The following WASF1 variants were observed in gnomAD, a reference collection of about 807,000 sequenced individuals.
WASF1 encodes the protein WASP family member 1.
WASF1 carries 7 observed loss-of-function variants against 50.5 expected under a neutral mutation model. The ratio of observed to expected loss-of-function variants is 0.14; its 90% CI spans 0.08 to 0.26. WASF1 has a LOEUF of 0.26. WASF1 is among the 10% of genes least tolerant of loss of function. The pLI is 1.00. For missense variants in WASF1, 470 were observed against 694.7 expected (o/e 0.68, Z 3.64); for synonymous variants, 205 against 244.0 (o/e 0.84, Z 1.49).
At chr6:110,136,987 T>A (rs191294015) in intron 3 of WASF1, among the ~76,000 whole-genome samples, 1 of 152,218 alleles carries the variant, frequency 6.6e-6, no homozygotes, top group Non-Finnish European at 1.5e-5. Flanking sequence ...TAATTATGTA[T>A]CTTCATGATT....
chr6:110,121,793 A>C (rs1774142266), intron 4 of WASF1, among the ~76,000 whole-genome samples: 1 of 152,282 alleles, frequency 6.6e-6, no homozygotes, highest in Non-Finnish European at 1.5e-5. Flanking sequence ...CCAAATGTCC[A>C]TCAATGATAG....
At chr6:110,158,910 C>T (rs1183711630) in intron 3 of WASF1, among the ~76,000 whole-genome samples, 1 of 151,860 alleles carries the variant, frequency 6.6e-6, no homozygotes, top group Non-Finnish European at 1.5e-5. Flanking sequence ...TGAGTTAGTC[C>T]TTCCTCTGAA....
chr6:110,102,696 TC>T (rs1422781711), intron 9 of WASF1, among the ~76,000 whole-genome samples: 9 of 150,058 alleles, frequency 6.0e-5, no homozygotes, highest in African/African-American at 2.3e-4. Flanking sequence ...TACAGCTCTC[TC>T]TTTTCCTGAG....
chr6:110,133,050 G>A (rs1774765872), intron 3 of WASF1, among the ~76,000 whole-genome samples: 1 of 148,246 alleles, frequency 6.7e-6, no homozygotes, highest in East Asian at 2.1e-4. Flanking sequence ...AAGCTGGATG[G>A]AATTGGAGAC....
rs768215799 is a variant in WASF1 at position 110,103,422 on chromosome 6, T to TGGTGGA, written c.843_848dup (p.Pro282_Pro283dup). On this transcript the variant is annotated inframe_insertion, in exon 9 of 11. Coordinates refer to ENST00000392589, the MANE Select transcript of WASF1 (RefSeq NM_003931.3). ...GTTTTGCATCTCCTGCTCCATGCAT[T>TGGTGGA]GGTGGAGGTGGAGGTGGTTCATGTG... 8.1e-6 allele frequency: 13 copies of TGGTGGA among 1,613,996 alleles called. No homozygotes were observed. Among genetic ancestry groups the TGGTGGA allele is most frequent in the South Asian group, 2.2e-5 (2 of 91,064 alleles).
chr6:110,113,313 T>G lies in WASF1; in HGVS notation c.268+13A>C. 6.5e-7 allele frequency: 1 copy of G among 1,532,984 alleles called. No homozygotes were observed. Among genetic ancestry groups the G allele is most frequent in the Non-Finnish European group, 8.7e-7 (1 of 1,142,902 alleles). The allele number at this position is 1,532,984 out of a possible 1,614,324, so 95.0% of individuals were successfully genotyped here. ...TATATACGTAGAAGAAAATACAATA[T>G]TAATAAGCTTACATTCTTCTTCCTT... On this transcript the variant is annotated intron_variant, in intron 5 of 10. Coordinates refer to ENST00000392589, the MANE Select transcript of WASF1 (RefSeq NM_003931.3).
rs1776023458 is a variant in WASF1, at chr6:110,155,533, CTTCTT to C, written c.-29+5097_-29+5101del. On this transcript the variant is annotated intron_variant, in intron 3 of 10. Coordinates refer to ENST00000392589, the MANE Select transcript of WASF1 (RefSeq NM_003931.3). ...TAGGACTACATTATTTCTAAAGTGC[CTTCTT>C]TTTTTTTTTTTTTTTTTTTTTTTTT... Among the ~76,000 whole-genome samples the C allele has an allele frequency of 7.3e-5, 4 of 54,510 alleles. 1 individual carries two copies. The highest frequency in any genetic ancestry group is 1.1e-3 in the East Asian group (2 of 1,742). The allele number at this position is 54,510 out of a possible 152,430, so 35.8% of individuals were successfully genotyped here. A position where few individuals can be genotyped will look rare whatever the true frequency, so the allele number is the denominator to read the frequency against.
At chr6:110,120,909 C>G (rs1330670529) in intron 4 of WASF1, among the ~76,000 whole-genome samples, 1 of 152,124 alleles carries the variant, frequency 6.6e-6, no homozygotes, top group Non-Finnish European at 1.5e-5. Context: ...TGATCTTTGA[C>G]AAACCTGACA....
intron 8 of WASF1, among the ~76,000 whole-genome samples, chr6:110,104,174 G>A (rs1377411147): frequency 3.3e-5 from 5 of 152,244 alleles, no homozygotes; most frequent in African/African-American, 9.6e-5. Flanking sequence ...CAAAATTTTA[G>A]ATAACTCGAA....
chr6:110,109,552 CTTTT>C (rs374420298), intron 5 of WASF1, among the ~76,000 whole-genome samples: 3 of 135,514 alleles, frequency 2.2e-5, no homozygotes, highest in Non-Finnish European at 1.6e-5. Context: ...CCTAACAATT[CTTTT>C]TTTTTTTTTT....
chr6:110,118,911 A>G (rs925673092), intron 4 of WASF1, among the ~76,000 whole-genome samples: 1 of 152,214 alleles, frequency 6.6e-6, no homozygotes, highest in African/African-American at 2.4e-5. Flanking sequence ...GCACAACTAC[A>G]TGGAAACTGA....
At chr6:110,113,275 A>C in intron 5 of WASF1, 51 bp downstream of exon 5, 2 of 1,409,690 alleles carry the variant, frequency 1.4e-6, no homozygotes, top group Non-Finnish European at 1.9e-6. Flanking sequence ...CATTCATCTC[A>C]TCTAACTTAA....
At chr6:110,102,575 G>C (rs1209830061) in intron 9 of WASF1, among the ~76,000 whole-genome samples, 3 of 152,052 alleles carry the variant, frequency 2.0e-5, no homozygotes, top group African/African-American at 7.3e-5. Context: ...CAATTTTGTG[G>C]CAATACATGT....
intron 4 of WASF1, among the ~76,000 whole-genome samples, chr6:110,116,279 A>C (rs1483078656): frequency 6.6e-6 from 1 of 152,178 alleles, no homozygotes; most frequent in Non-Finnish European, 1.5e-5. Flanking sequence ...TTTCCTAGCC[A>C]AGGGAAGCTG....
chr6:110,106,173 C>T (rs1773315609), intron 7 of WASF1, among the ~76,000 whole-genome samples: 1 of 152,154 alleles, frequency 6.6e-6, no homozygotes, highest in Admixed American at 6.6e-5. Flanking sequence ...AGCGGCCAAG[C>T]GGATAACATA....
intron 3 of WASF1, among the ~76,000 whole-genome samples, chr6:110,130,919 T>C (rs1774636942): frequency 7.6e-6 from 1 of 131,066 alleles, no homozygotes; most frequent in African/African-American, 3.3e-5. Flanking sequence ...TGTTATAGTT[T>C]TAATTTGTGT....
intron 3 of WASF1, among the ~76,000 whole-genome samples, chr6:110,143,828 T>C (rs985045562): frequency 6.6e-6 from 1 of 152,228 alleles, no homozygotes. Context: ...TAATGTTAAC[T>C]AAAAAATTAT....
chr6:110,147,150 A>G (rs1255724122), intron 3 of WASF1, among the ~76,000 whole-genome samples: 1 of 152,092 alleles, frequency 6.6e-6, no homozygotes, highest in Non-Finnish European at 1.5e-5. Flanking sequence ...GATCGAGACC[A>G]TCCTGGCTAA....
intron 8 of WASF1, 81 bp downstream of exon 8, chr6:110,105,326 G>A: frequency 7.3e-7 from 1 of 1,366,018 alleles, no homozygotes; most frequent in Non-Finnish European, 9.8e-7. Context: ...CAACAGTTTA[G>A]GACTCAAGAC....
Sources: gnomAD v4.1 joint callset for allele counts (sites outside exome capture counted in the v4.1 genomes callset) on GRCh38, gnomAD v4.1.1 for gene constraint, MANE v1.5 for transcripts, NCBI Gene and HGNC (gene_info 2026-07-23, HGNC 2026-07-21) for gene names.